Variants in RAD51B observed in about 807,000 individuals in gnomAD.
The protein encoded by RAD51B is RAD51 paralog B.
A neutral mutation model predicts 42.2 loss-of-function variants in RAD51B; 38 were observed. The ratio of observed to expected loss-of-function variants is 0.90; its 90% CI spans 0.70 to 1.18. The LOEUF (loss-of-function observed/expected upper bound fraction) is 1.18, where lower values mean the gene tolerates loss of function less well. Among genes scored for constraint, RAD51B ranks in the 50% most tolerant of loss-of-function variants. The pLI, the probability that RAD51B is intolerant of heterozygous loss-of-function variation, is 0.00. For synonymous variants in RAD51B, 154 were observed against 145.2 expected, an observed-to-expected ratio of 1.06 and a Z score of -0.43; for missense variants, 373 against 400.7, an observed-to-expected ratio of 0.93 and a Z score of 0.59.
chr14:68,471,719 A>G (rs1380934414), intron 10 of RAD51B, among the ~76,000 whole-genome samples: 1 of 151,652 alleles, frequency 6.6e-6, no homozygotes, highest in Non-Finnish European at 1.5e-5. Context: ...GAAGAAAAAA[A>G]GTAAATGAAA....
intron 7 of RAD51B, among the ~76,000 whole-genome samples, chr14:68,012,611 G>C (rs2075704188): frequency 6.6e-6 from 1 of 152,046 alleles, no homozygotes; most frequent in Non-Finnish European, 1.5e-5. Flanking sequence ...TAGTCTTAGT[G>C]TTAGGGTATT....
At chr14:67,932,814 T>C (rs532222511) in intron 7 of RAD51B, among the ~76,000 whole-genome samples, 1 of 152,266 alleles carries the variant, frequency 6.6e-6, no homozygotes, top group South Asian at 2.1e-4. Context: ...CATGTTCACG[T>C]ATGAGTCTAA....
At chr14:68,302,451 G>A (rs1356699384) in intron 8 of RAD51B, among the ~76,000 whole-genome samples, 2 of 152,184 alleles carry the variant, frequency 1.3e-5, no homozygotes, top group East Asian at 1.9e-4. Context: ...AGAGAGAAGG[G>A]GAAAGTGCAC....
intron 7 of RAD51B, among the ~76,000 whole-genome samples, chr14:68,011,842 C>T (rs937574170): frequency 1.3e-5 from 2 of 152,070 alleles, no homozygotes; most frequent in African/African-American, 4.8e-5. Context: ...AGTTCACTTA[C>T]ATATGAAGTT....
At chr14:68,447,338 A>G (rs1003720206) in intron 9 of RAD51B, among the ~76,000 whole-genome samples, 1 of 152,260 alleles carries the variant, frequency 6.6e-6, no homozygotes, top group African/African-American at 2.4e-5. Flanking sequence ...TCCCCCATTA[A>G]GTAGAGATAA....
chr14:68,610,624 C>T (rs1317320497), intron 10 of RAD51B, among the ~76,000 whole-genome samples: 2 of 152,262 alleles, frequency 1.3e-5, no homozygotes, highest in African/African-American at 4.8e-5. Context: ...ACTCCCAGAA[C>T]TGACCCTCTG....
At chr14:68,012,160 C>G (rs138332874) in intron 7 of RAD51B, among the ~76,000 whole-genome samples, 1 of 152,132 alleles carries the variant, frequency 6.6e-6, no homozygotes, top group African/African-American at 2.4e-5. Flanking sequence ...ATTTACTGAC[C>G]TAGTTCAGGG....
At chr14:68,123,610 G>A (rs1566662493) in intron 7 of RAD51B, among the ~76,000 whole-genome samples, 1 of 152,070 alleles carries the variant, frequency 6.6e-6, no homozygotes, top group African/African-American at 2.4e-5. Flanking sequence ...GAGATCAAGA[G>A]CAGTCTGGCC....
intron 7 of RAD51B, among the ~76,000 whole-genome samples, chr14:68,273,152 T>G (rs950807965): frequency 1.3e-5 from 2 of 152,092 alleles, no homozygotes; most frequent in African/African-American, 4.8e-5. Flanking sequence ...TTATTTAGTG[T>G]AATGTAGGGG....
chr14:67,825,026 C>T (rs1348571611), intron 2 of RAD51B, among the ~76,000 whole-genome samples: 2 of 139,080 alleles, frequency 1.4e-5, no homozygotes, highest in Non-Finnish European at 3.0e-5. Flanking sequence ...TGCAGTGAGC[C>T]GAGATCGTGC....
chr14:68,156,557 C>T (rs541750067), intron 7 of RAD51B, among the ~76,000 whole-genome samples: 3 of 148,982 alleles, frequency 2.0e-5, no homozygotes, highest in African/African-American at 5.0e-5. Context: ...TGGAATTAAG[C>T]TGTGCATGCA....
intron 1 of RAD51B, among the ~76,000 whole-genome samples, chr14:67,820,116 T>C (rs1280198871): frequency 1.3e-5 from 2 of 152,164 alleles, no homozygotes; most frequent in Non-Finnish European, 2.9e-5. Context: ...CTGGGTGATG[T>C]TTCCGCCTGT....
rs1229147191 is a variant in RAD51B at position 67,992,609 on chromosome 14, G to C, written c.756+105405G>C. 3.3e-5 allele frequency among the ~76,000 whole-genome samples: 5 copies of C among 152,202 alleles called. No homozygotes were observed. The East Asian group carries it at 5.8e-4, about 18-fold the overall frequency. On this transcript the variant is annotated intron_variant, in intron 7 of 10. Coordinates refer to ENST00000471583, the MANE Select transcript of RAD51B (RefSeq NM_133510.4). ...TGGCTAAGAGGCAGAGAATGTCTTT[G>C]ACCATAAATTGATAAACAGGATTCA... is the stretch of plus-strand genomic sequence containing the variant.
intron 8 of RAD51B, among the ~76,000 whole-genome samples, chr14:68,303,801 G>T (rs913003763): frequency 6.6e-6 from 1 of 152,200 alleles, no homozygotes; most frequent in African/African-American, 2.4e-5. Context: ...GCGCCTAACA[G>T]TTAGAAATGG....
At chr14:68,288,790 T>C (rs2081460984) in intron 7 of RAD51B, among the ~76,000 whole-genome samples, 1 of 152,238 alleles carries the variant, frequency 6.6e-6, no homozygotes, top group South Asian at 2.1e-4. Context: ...CTCATTACTA[T>C]TAACCATATC....
At chr14:68,125,761 T>TTTTC (rs1399680907) in intron 7 of RAD51B, among the ~76,000 whole-genome samples, 1 of 152,126 alleles carries the variant, frequency 6.6e-6, no homozygotes, top group Non-Finnish European at 1.5e-5. Flanking sequence ...TTTGTTTTGT[T>TTTTC]TTTTCAAAGA....
chr14:67,988,228 A>G (rs1225467142), intron 7 of RAD51B, among the ~76,000 whole-genome samples: 3 of 152,154 alleles, frequency 2.0e-5, no homozygotes, highest in African/African-American at 7.2e-5. Flanking sequence ...TCGGAGGTCA[A>G]GGCGAGCGGA....
rs1161270950 is a variant in RAD51B at position 67,867,468 on chromosome 14, A to C, written c.452+2329A>C. ...TGTGCTCAAGTCAGTGTGAAGAAAAAGGGCCAGCTATATCTTTTATCAGGA... is the reference window on the plus strand; with the variant it reads ...TGTGCTCAAGTCAGTGTGAAGAAAACGGGCCAGCTATATCTTTTATCAGGA... On this transcript the variant is annotated intron_variant, in intron 5 of 10. Transcript: ENST00000471583. Among the ~76,000 whole-genome samples the C allele has an allele frequency of 5.9e-5, 9 of 152,190 alleles. No homozygotes were observed. In the East Asian group the frequency reaches 1.3e-3, roughly 23 times the overall value.
At chr14:68,401,255 A>G (rs1464940242) in intron 8 of RAD51B, among the ~76,000 whole-genome samples, 3 of 152,204 alleles carry the variant, frequency 2.0e-5, no homozygotes, top group Non-Finnish European at 2.9e-5. Flanking sequence ...CTGTTATCCC[A>G]GTATAACTAT....
Sources: allele counts gnomAD v4.1 joint callset (sites outside exome capture counted in the v4.1 genomes callset), GRCh38; gene constraint gnomAD v4.1.1; transcripts MANE v1.5; gene names NCBI Gene and HGNC (gene_info 2026-07-23, HGNC 2026-07-21).